MAGI2: variants seen among roughly 807,000 people sequenced by gnomAD.
The protein encoded by MAGI2 is membrane associated guanylate kinase, WW and PDZ domain containing 2.
Under a neutral mutation model 133.3 loss-of-function variants are expected in MAGI2, and 35 were observed. That is an observed-to-expected ratio of 0.26 (90% CI 0.20 to 0.35). The LOEUF (loss-of-function observed/expected upper bound fraction) is 0.35, where lower values mean the gene tolerates loss of function less well. MAGI2 is among the 10% of genes least tolerant of loss of function. The pLI, the probability that MAGI2 is intolerant of heterozygous loss-of-function variation, is 1.00. For missense variants in MAGI2, 1,636 were observed against 1,863.4 expected (o/e 0.88, Z 2.25); for synonymous variants, 729 against 710.6 (o/e 1.03, Z -0.41).
chr7:79,131,824 A>G (rs1820963031), intron 1 of MAGI2, among the ~76,000 whole-genome samples: 1 of 152,166 alleles, frequency 6.6e-6, no homozygotes, highest in Non-Finnish European at 1.5e-5. Context: ...ATTTATTTCT[A>G]TTACGATGTC....
intron 10 of MAGI2, among the ~76,000 whole-genome samples, chr7:78,213,495 C>T (rs1029143805): frequency 3.3e-5 from 5 of 152,214 alleles, no homozygotes; most frequent in African/African-American, 1.2e-4. Context: ...TCTTGGTTCA[C>T]ACTTCTGTTA....
intron 3 of MAGI2, among the ~76,000 whole-genome samples, chr7:78,539,824 C>T (rs185751114): frequency 6.6e-6 from 1 of 152,166 alleles, no homozygotes; most frequent in African/African-American, 2.4e-5. Flanking sequence ...CTGTGAGGGT[C>T]CTTAGTTGTT....
In MAGI2 at chr7:79,368,422, C is replaced by T. The variant is rs973564747; in HGVS notation, c.301+84598G>A. Among the ~76,000 whole-genome samples, 14 of 152,200 alleles carry T rather than the reference C, an allele frequency of 9.2e-5. 1 individual carries two copies. In the South Asian group the frequency reaches 2.3e-3, roughly 25 times the overall value. On this transcript the variant is annotated intron_variant, in intron 1 of 21. Coordinates refer to ENST00000354212, the MANE Select transcript of MAGI2 (RefSeq NM_012301.4). ...TGACTTCCCTTCAGATCAATCAAGT[C>T]CTTTGCAACATGAGTGGGTTAGTGT...
chr7:78,068,905 G>A (rs1211255420), intron 21 of MAGI2, among the ~76,000 whole-genome samples: 1 of 152,180 alleles, frequency 6.6e-6, no homozygotes, highest in Non-Finnish European at 1.5e-5. Context: ...TCTATTTCAA[G>A]ACATGAGAAA....
intron 6 of MAGI2, among the ~76,000 whole-genome samples, chr7:78,407,321 C>T (rs537967028): frequency 5.3e-5 from 8 of 151,952 alleles, no homozygotes; most frequent in Non-Finnish European, 7.4e-5. Context: ...AACAGCTGAT[C>T]GGTGTACATT....
At chr7:79,278,448 C>A (rs1008751077) in intron 1 of MAGI2, among the ~76,000 whole-genome samples, 4 of 152,256 alleles carry the variant, frequency 2.6e-5, no homozygotes, top group Non-Finnish European at 5.9e-5. Context: ...AAAATCCTTT[C>A]CCCTTTTGTT....
chr7:78,066,705 T>G (rs1363266229), intron 21 of MAGI2, among the ~76,000 whole-genome samples: 1 of 152,150 alleles, frequency 6.6e-6, no homozygotes, highest in African/African-American at 2.4e-5. Context: ...TCTAGATTAG[T>G]AATTTCCAAG....
At chr7:79,274,800 C>T (rs1835118790) in intron 1 of MAGI2, among the ~76,000 whole-genome samples, 1 of 152,130 alleles carries the variant, frequency 6.6e-6, no homozygotes, top group African/African-American at 2.4e-5. Flanking sequence ...CTCCACGTCA[C>T]ATTTTAGTAA....
intron 3 of MAGI2, among the ~76,000 whole-genome samples, chr7:78,531,294 A>G (rs1336582417): frequency 6.6e-6 from 1 of 151,294 alleles, no homozygotes; most frequent in Non-Finnish European, 1.5e-5. Context: ...GCTCACTGCA[A>G]TCTCTGCCTC....
intron 3 of MAGI2, among the ~76,000 whole-genome samples, chr7:78,599,197 A>G (rs1804927855): frequency 1.3e-5 from 2 of 152,176 alleles, no homozygotes; most frequent in South Asian, 4.1e-4. Context: ...TGACCATTCC[A>G]TACACACACA....
At chr7:79,089,171 G>A (rs979176545) in intron 1 of MAGI2, among the ~76,000 whole-genome samples, 4 of 152,140 alleles carry the variant, frequency 2.6e-5, no homozygotes, top group East Asian at 1.9e-4. Flanking sequence ...CTCAGAAGAC[G>A]ACATTTATGC....
chr7:79,010,174 G>A (rs531397549), intron 1 of MAGI2, among the ~76,000 whole-genome samples: 4 of 151,864 alleles, frequency 2.6e-5, no homozygotes, highest in Non-Finnish European at 5.9e-5. Flanking sequence ...TATAACACAT[G>A]CATGTATATG....
In MAGI2 at chr7:78,019,305, G is replaced by C; in HGVS notation, c.*10C>G. On this transcript the variant is annotated 3_prime_UTR_variant, in exon 22 of 22. Coordinates refer to ENST00000354212, the MANE Select transcript of MAGI2 (RefSeq NM_012301.4). ...CGCCGGGGCGGGCGGGTTGGCCGTG[G>C]CCGCGCGGCTCATCTGCTGGCGGCC... is the stretch of plus-strand genomic sequence containing the variant. 6.4e-7 allele frequency: 1 copy of C among 1,569,626 alleles called. No homozygotes were observed. Among genetic ancestry groups the C allele is most frequent in the South Asian group, 1.2e-5 (1 of 86,756 alleles).
intron 1 of MAGI2, among the ~76,000 whole-genome samples, chr7:79,262,744 GGCAAA>G (rs1005266878): frequency 2.0e-5 from 3 of 152,064 alleles, no homozygotes; most frequent in African/African-American, 7.2e-5. Context: ...CAAAGTTTTG[GGCAAA>G]GCACACAGTG....
Position 78,185,852 on chromosome 7 carries a change from A to G in MAGI2, c.2270-182T>C, listed in dbSNP as rs3823780. Among the ~76,000 whole-genome samples, 64,811 of 151,954 alleles carry G rather than the reference A, an allele frequency of 0.43. 14,550 individuals carry two copies. Among genetic ancestry groups the G allele is most frequent in the Non-Finnish European group, 0.51 (34,528 of 67,932 alleles). On this transcript the variant is annotated intron_variant, in intron 12 of 21. Coordinates refer to ENST00000354212, the MANE Select transcript of MAGI2 (RefSeq NM_012301.4). ...AATTTACCCTGCTTTACGTATGAGC[A>G]TGTATGTAAATATGTTTCTTTTACA...
At chr7:78,546,837 T>G (rs1798889223) in intron 3 of MAGI2, among the ~76,000 whole-genome samples, 1 of 152,220 alleles carries the variant, frequency 6.6e-6, no homozygotes, top group Non-Finnish European at 1.5e-5. Context: ...ATAATAACAG[T>G]GCCTACCACA....
intron 2 of MAGI2, among the ~76,000 whole-genome samples, chr7:79,002,934 C>G (rs1313395517): frequency 2.9e-5 from 4 of 139,512 alleles, no homozygotes; most frequent in Non-Finnish European, 6.1e-5. Context: ...TAGAATTAGG[C>G]GGGCTCTGAG....
intron 1 of MAGI2, among the ~76,000 whole-genome samples, chr7:79,058,099 GA>G (rs1007385722): frequency 3.3e-5 from 5 of 151,590 alleles, no homozygotes; most frequent in African/African-American, 7.2e-5. Context: ...AAGTGGTGGA[GA>G]GGGGGGAAGA....
At chr7:78,269,736 T>A (rs921794533) in intron 9 of MAGI2, among the ~76,000 whole-genome samples, 2 of 152,216 alleles carry the variant, frequency 1.3e-5, no homozygotes. Flanking sequence ...TTCACCCTGA[T>A]GATAGTTCCT....
Sources: allele counts gnomAD v4.1 joint callset (sites outside exome capture counted in the v4.1 genomes callset), GRCh38; gene constraint gnomAD v4.1.1; transcripts MANE v1.5; gene names NCBI Gene and HGNC (gene_info 2026-07-23, HGNC 2026-07-21).